The following SH2D4A variants were observed in gnomAD, a reference collection of about 807,000 sequenced individuals.
The protein encoded by SH2D4A is SH2 domain containing 4A.
In SH2D4A, 70 loss-of-function variants were observed where a neutral mutation model predicts 64.7. The ratio of observed to expected loss-of-function variants is 1.08; its 90% CI spans 0.89 to 1.32. SH2D4A has a LOEUF of 1.32. Among genes scored for constraint, SH2D4A ranks in the 40% most tolerant of loss-of-function variants. SH2D4A has a pLI of 0.00. For synonymous variants in SH2D4A, 268 were observed against 200.7 expected, an observed-to-expected ratio of 1.34 and a Z score of -2.83; for missense variants, 706 against 540.1, an observed-to-expected ratio of 1.31 and a Z score of -3.04.
chr8:19,350,255 G>A (rs1292957111), intron 4 of SH2D4A, among the ~76,000 whole-genome samples: 1 of 152,030 alleles, frequency 6.6e-6, no homozygotes, highest in Non-Finnish European at 1.5e-5. Flanking sequence ...AAACTCCCTC[G>A]CATGTGAATG....
intron 4 of SH2D4A, among the ~76,000 whole-genome samples, chr8:19,349,291 A>C (rs1004325814): frequency 1.3e-5 from 2 of 152,348 alleles, no homozygotes; most frequent in East Asian, 1.9e-4. Flanking sequence ...ATTTCACGGT[A>C]GGTAATTTGT....
chr8:19,381,234 G>C (rs1177595344), intron 8 of SH2D4A, among the ~76,000 whole-genome samples: 1 of 152,014 alleles, frequency 6.6e-6, no homozygotes, highest in Admixed American at 6.6e-5. Flanking sequence ...ATTTTTAGTA[G>C]AGACAGGATT....
At chr8:19,315,176 C>G (rs2052065789) in intron 1 of SH2D4A, among the ~76,000 whole-genome samples, 1 of 152,130 alleles carries the variant, frequency 6.6e-6, no homozygotes, top group Non-Finnish European at 1.5e-5. Flanking sequence ...CCTTCTGTCA[C>G]CCAGGCTGTG....
chr8:19,371,056 A>T (rs1368835529), intron 7 of SH2D4A, among the ~76,000 whole-genome samples: 1 of 152,064 alleles, frequency 6.6e-6, no homozygotes, highest in African/African-American at 2.4e-5. Flanking sequence ...TTACATTTTT[A>T]TATTACCTAT....
rs1241132711 is a variant in SH2D4A, at chr8:19,319,586, T to C, written c.39T>C (p.Pro13=). 2 of 1,602,804 alleles carry C rather than the reference T, an allele frequency of 1.2e-6. No homozygotes were observed. Among genetic ancestry groups the C allele is most frequent in the Non-Finnish European group, 1.7e-6 (2 of 1,175,860 alleles). Residue 13 remains proline (P), a synonymous_variant, in exon 2 of 10, where the codon CCT becomes CCC. Coordinates refer to ENST00000265807, the MANE Select transcript of SH2D4A (RefSeq NM_022071.4). Reference sequence around the variant, plus strand: ...TACTGTCGGAGATGTACATAGATCCTGATCTACTGGCAGAGCTCAGCGAAG... The same window carrying C: ...TACTGTCGGAGATGTACATAGATCCCGATCTACTGGCAGAGCTCAGCGAAG... The part of the protein sequence containing the change: ...KQILSEMYID[P]DLLAELSEEQ...
At chr8:19,324,419 T>C (rs2117184955) in intron 2 of SH2D4A, among the ~76,000 whole-genome samples, 1 of 152,362 alleles carries the variant, frequency 6.6e-6, no homozygotes, top group Middle Eastern at 3.4e-3. Flanking sequence ...TGTGAAATAA[T>C]GTTAAGGCCA....
At chr8:19,370,103 G>T (rs116329988) in intron 7 of SH2D4A, among the ~76,000 whole-genome samples, 1,852 of 151,996 alleles carry the variant, frequency 0.012, 43 homozygotes, top group African/African-American at 0.043. Context: ...CCACATATTT[G>T]TTTCTAGTTT....
At chr8:19,334,627 G>A in intron 3 of SH2D4A, 59 bp from the exon 4 acceptor site, 1 of 1,522,440 alleles carries the variant, frequency 6.6e-7, no homozygotes, top group East Asian at 2.3e-5. Context: ...CATATGCTTT[G>A]GAAAGGCTCT....
chr8:19,332,619 C>G (rs900430035), intron 2 of SH2D4A, among the ~76,000 whole-genome samples: 9 of 3,108 alleles, frequency 2.9e-3, no homozygotes, highest in Admixed American at 0.014. Flanking sequence ...ACGGCTTGAA[C>G]CCAGAGGCGG....
intron 2 of SH2D4A, among the ~76,000 whole-genome samples, chr8:19,332,210 G>A (rs1056265234): frequency 9.9e-5 from 15 of 152,200 alleles, no homozygotes; most frequent in Non-Finnish European, 4.4e-5. Context: ...CCCTTGAGCA[G>A]CTGTGGAATT....
At chr8:19,389,080 C>T (rs1269378014) in intron 8 of SH2D4A, among the ~76,000 whole-genome samples, 1 of 152,186 alleles carries the variant, frequency 6.6e-6, no homozygotes, top group Non-Finnish European at 1.5e-5. Context: ...CTGAGACTGA[C>T]TGCCTAGACT....
rs118018893 is a variant in SH2D4A, at chr8:19,348,548, G to A, written c.514-8655G>A. On this transcript the variant is annotated intron_variant, in intron 4 of 9. Coordinates refer to ENST00000265807, the MANE Select transcript of SH2D4A (RefSeq NM_022071.4). ...TAAAATTAAGAGCGCTGTCCACTCC[G>A]GAACGATCAGTTCTGTAAAACTGGA... Among the ~76,000 whole-genome samples, 1,101 of 152,162 alleles carry A rather than the reference G, an allele frequency of 7.2e-3. 6 individuals are homozygous for A. Among genetic ancestry groups the A allele is most frequent in the Non-Finnish European group, 9.8e-3 (664 of 68,018 alleles).
chr8:19,362,937 C>T (rs977541985), intron 6 of SH2D4A, among the ~76,000 whole-genome samples: 1 of 152,092 alleles, frequency 6.6e-6, no homozygotes, highest in African/African-American at 2.4e-5. Flanking sequence ...ATTCACTGAG[C>T]ACTCACTCAC....
At chr8:19,337,753 C>A (rs546160146) in intron 4 of SH2D4A, among the ~76,000 whole-genome samples, 3 of 152,170 alleles carry the variant, frequency 2.0e-5, no homozygotes, top group Non-Finnish European at 4.4e-5. Flanking sequence ...ACCATCAGAT[C>A]TCATGAGACC....
At chr8:19,363,470 G>A (rs1438559795) in intron 6 of SH2D4A, among the ~76,000 whole-genome samples, 2 of 152,188 alleles carry the variant, frequency 1.3e-5, no homozygotes, top group Non-Finnish European at 2.9e-5. Flanking sequence ...TAAGTCACTA[G>A]TGACTGTAAT....
intron 4 of SH2D4A, 143 bp from the exon 5 acceptor site, chr8:19,357,060 C>T: frequency 3.1e-6 from 2 of 648,182 alleles, no homozygotes; most frequent in South Asian, 3.7e-5. Context: ...GGCCCAGGAA[C>T]TCAGGTGCCA....
In SH2D4A at chr8:19,356,491, T is replaced by G. The variant is rs558179006; in HGVS notation, c.514-712T>G. Among the ~76,000 whole-genome samples, 3 of 152,312 alleles carry G rather than the reference T, an allele frequency of 2.0e-5. No individual in the cohort carries two copies. The East Asian group carries it at 5.8e-4, about 29-fold the overall frequency. On this transcript the variant is annotated intron_variant, in intron 4 of 9. Coordinates refer to ENST00000265807, the MANE Select transcript of SH2D4A (RefSeq NM_022071.4). ...ACCCATGTTGGGACTTAGCTTAGGCTCTGCACTCCAGCCAGGGACTGATGG... is the reference window on the plus strand; with the variant it reads ...ACCCATGTTGGGACTTAGCTTAGGCGCTGCACTCCAGCCAGGGACTGATGG...
intron 8 of SH2D4A, among the ~76,000 whole-genome samples, chr8:19,374,380 G>A (rs2053159843): frequency 6.6e-6 from 1 of 152,178 alleles, no homozygotes; most frequent in Non-Finnish European, 1.5e-5. Context: ...CATAAGGTCT[G>A]TGGTTGAATT....
chr8:19,376,624 A>AAAT (rs966766380), intron 8 of SH2D4A, among the ~76,000 whole-genome samples: 13 of 152,058 alleles, frequency 8.5e-5, no homozygotes, highest in African/African-American at 2.7e-4. Context: ...CTCTGTCTCA[A>AAAT]AATAATAATA....
Sources: allele counts gnomAD v4.1 joint callset (sites outside exome capture counted in the v4.1 genomes callset), GRCh38; gene constraint gnomAD v4.1.1; transcripts MANE v1.5; gene names NCBI Gene and HGNC (gene_info 2026-07-23, HGNC 2026-07-21).